Variants in PAX2 observed in about 807,000 individuals in gnomAD.
The protein encoded by PAX2 is paired box 2.
Under a neutral mutation model 41.7 loss-of-function variants are expected in PAX2, and 9 were observed. The observed-to-expected ratio is 0.22, with a 90% CI of 0.13 to 0.38. The LOEUF is 0.38. Among genes scored for constraint, PAX2 ranks in the 10% least tolerant of loss-of-function variants. The pLI, the probability that PAX2 is intolerant of heterozygous loss-of-function variation, is 1.00. For missense variants in PAX2, 418 were observed against 531.6 expected, an observed-to-expected ratio of 0.79 and a Z score of 2.10; for synonymous variants, 221 against 212.7, an observed-to-expected ratio of 1.04 and a Z score of -0.34.
At chr10:100,742,424 C>T (rs1844991507), upstream of PAX2, among the ~76,000 whole-genome samples, 2 of 152,120 alleles carry the variant, frequency 1.3e-5, no homozygotes, top group South Asian at 4.2e-4. Flanking sequence ...GAAAACCAGG[C>T]CGGCAGTAGC....
intron 3 of PAX2, among the ~76,000 whole-genome samples, chr10:100,777,029 G>A (rs1218615834): frequency 6.6e-6 from 1 of 151,794 alleles, no homozygotes; most frequent in Non-Finnish European, 1.5e-5. Context: ...TTGGGGGCAG[G>A]ATGACAAAGT....
intron 5 of PAX2, among the ~76,000 whole-genome samples, chr10:100,792,451 TG>T (rs1327512651): frequency 3.3e-5 from 5 of 152,244 alleles, no homozygotes; most frequent in Admixed American, 6.5e-5. Context: ...ATACCTCAGC[TG>T]GGGACAGACA....
In PAX2 at chr10:100,828,131, C is replaced by A; in HGVS notation, c.*512C>A. On this transcript the variant is annotated 3_prime_UTR_variant, in exon 10 of 10. Transcript: ENST00000355243. The surrounding 1 kb of genome is among the most constrained non-coding windows in gnomAD (Gnocchi z 6.5). ...AGGAGATTAAGAAGAAAACGACTTT[C>A]TGCAGGAGGAAGAGCCCGCTGCCGA... 1 of 231,454 alleles carries A rather than the reference C, an allele frequency of 4.3e-6. No homozygotes were observed. Among genetic ancestry groups the A allele is most frequent in the Non-Finnish European group, 8.5e-6 (1 of 117,166 alleles). The allele number at this position is 231,454 out of a possible 1,614,324, so 14.3% of individuals were successfully genotyped here.
In PAX2 at chr10:100,755,581, G is replaced by GC. The variant is rs559989576; in HGVS notation, c.410+4692dup. On this transcript the variant is annotated intron_variant, in intron 3 of 9. Transcript: ENST00000355243. ...AATTGCTTTTATTATCGCTCAGGCT[G>GC]CCTCCATTTATTACCGTTCATGGCC... 3.6e-4 allele frequency among the ~76,000 whole-genome samples: 55 copies of GC among 152,318 alleles called. No homozygotes were observed. The East Asian group carries it at 9.6e-3, about 27-fold the overall frequency.
intron 1 of PAX2, among the ~76,000 whole-genome samples, chr10:100,739,260 TC>T (rs1321564679): frequency 1.3e-5 from 2 of 152,132 alleles, no homozygotes; most frequent in African/African-American, 4.8e-5. Context: ...TGGTCCCCTC[TC>T]CCCTGCGTTC....
intron 5 of PAX2, among the ~76,000 whole-genome samples, chr10:100,794,583 G>T (rs1223234119): frequency 1.3e-5 from 2 of 152,094 alleles, no homozygotes; most frequent in Non-Finnish European, 2.9e-5. Context: ...CACCATCCTG[G>T]TTACCCATCT....
chr10:100,793,286 C>T (rs1847201259), intron 5 of PAX2, among the ~76,000 whole-genome samples: 1 of 152,244 alleles, frequency 6.6e-6, no homozygotes, highest in African/African-American at 2.4e-5. Context: ...CATACCAGTG[C>T]TCCCAGGCAG....
intron 3 of PAX2, among the ~76,000 whole-genome samples, chr10:100,776,705 A>C (rs539048025): frequency 1.3e-5 from 2 of 152,180 alleles, no homozygotes; most frequent in African/African-American, 4.8e-5. Flanking sequence ...TAGGACCAAC[A>C]TCACCACTTC....
intron 5 of PAX2, among the ~76,000 whole-genome samples, chr10:100,805,449 G>A (rs1589879856): frequency 1.3e-5 from 2 of 152,146 alleles, no homozygotes; most frequent in African/African-American, 4.8e-5. Flanking sequence ...CACTTTGGGG[G>A]GCTGCAAGGT....
At chr10:100,808,826 C>T (rs1176544109) in intron 6 of PAX2, among the ~76,000 whole-genome samples, 1 of 152,170 alleles carries the variant, frequency 6.6e-6, no homozygotes, top group Non-Finnish European at 1.5e-5. Context: ...TACACCCTAC[C>T]CGCAGGGGTG....
chr10:100,778,677 C>T (rs1009587791), intron 3 of PAX2, among the ~76,000 whole-genome samples: 3 of 152,150 alleles, frequency 2.0e-5, no homozygotes, highest in Non-Finnish European at 4.4e-5. Context: ...ATTGAGCCCT[C>T]GGTTTTTCAG....
rs1301169961 is a variant in PAX2, at chr10:100,806,455, T to C, written c.642T>C (p.Asn214=). 2 of 1,614,058 alleles carry C rather than the reference T, an allele frequency of 1.2e-6. No homozygotes were observed. Among genetic ancestry groups the C allele is most frequent in the Non-Finnish European group, 8.5e-7 (1 of 1,179,890 alleles). The part of the protein sequence containing the change: ...DEDVSEGSVP[N]GDSQSGVDSL... Reference sequence around the variant, plus strand: ...ATGTGTCTGAGGGCTCAGTCCCCAATGGAGATTCCCAGAGTGGTGTGGACA... The same window carrying C: ...ATGTGTCTGAGGGCTCAGTCCCCAACGGAGATTCCCAGAGTGGTGTGGACA... The change falls in exon 6 of 10, where the codon AAT becomes AAC. Residue 214 remains asparagine, a synonymous_variant. Transcript: ENST00000355243.
chr10:100,777,675 G>A (rs867884766), intron 3 of PAX2, among the ~76,000 whole-genome samples: 3 of 152,202 alleles, frequency 2.0e-5, no homozygotes, highest in South Asian at 2.1e-4. Context: ...GATTACAGGC[G>A]TGAGCCACTG....
chr10:100,787,302 G>A (rs1271076593), intron 5 of PAX2, among the ~76,000 whole-genome samples: 1 of 152,168 alleles, frequency 6.6e-6, no homozygotes, highest in Non-Finnish European at 1.5e-5. Context: ...AGAGCAGATC[G>A]GGTAGTAAAA....
chr10:100,778,471 T>G (rs1012368566), intron 3 of PAX2, among the ~76,000 whole-genome samples: 2 of 152,110 alleles, frequency 1.3e-5, no homozygotes, highest in Admixed American at 6.5e-5. Flanking sequence ...TGCCTGCAAG[T>G]GTTCAGGAAA....
intron 3 of PAX2, among the ~76,000 whole-genome samples, chr10:100,758,124 G>A (rs1845701548): frequency 6.6e-6 from 1 of 151,618 alleles, no homozygotes; most frequent in African/African-American, 2.4e-5. Context: ...AGGGCAGGGG[G>A]AGCGAGTCAG....
At chr10:100,747,162 C>G (rs560810577) in intron 1 of PAX2, 1 of 152,338 alleles carries the variant, frequency 6.6e-6, no homozygotes, top group East Asian at 1.9e-4. Flanking sequence ...CAGCTCTGCT[C>G]TCAGCTCTGG....
intron 8 of PAX2, among the ~76,000 whole-genome samples, chr10:100,825,227 C>T (rs985046650): frequency 3.2e-4 from 48 of 152,122 alleles, no homozygotes; most frequent in Non-Finnish European, 2.6e-4. Context: ...GAACCAACCC[C>T]AACCCCAACC....
chr10:100,818,720 C>T, intron 7 of PAX2, among the ~76,000 whole-genome samples: 1 of 152,242 alleles, frequency 6.6e-6, no homozygotes, highest in African/African-American at 2.4e-5. Context: ...ACATAAGAAA[C>T]AAGAAGTGAC....
Sources: allele counts gnomAD v4.1 joint callset (sites outside exome capture counted in the v4.1 genomes callset), GRCh38; gene constraint gnomAD v4.1.1; non-coding constraint Gnocchi (gnomAD v3.1); transcripts MANE v1.5; gene names NCBI Gene and HGNC (gene_info 2026-07-23, HGNC 2026-07-21).